The following ACSS3 variants were observed in gnomAD, a reference collection of about 807,000 sequenced individuals.
The protein encoded by ACSS3 is acyl-CoA synthetase short chain family member 3.
Under a neutral mutation model 84.2 loss-of-function variants are expected in ACSS3, and 64 were observed. The observed-to-expected ratio is 0.76, with a 90% CI of 0.62 to 0.94. The LOEUF (loss-of-function observed/expected upper bound fraction) is 0.94, where lower values mean the gene tolerates loss of function less well. Ranked by LOEUF, ACSS3 falls within the 40% of genes least tolerant of loss-of-function variation. The probability of loss-of-function intolerance (pLI) is 0.00; values close to 1 mark genes in which losing one functional copy is unlikely to be tolerated. For missense variants in ACSS3, 815 were observed against 867.6 expected (o/e 0.94, Z 0.76); for synonymous variants, 317 against 310.1 (o/e 1.02, Z -0.23).
intron 7 of ACSS3, among the ~76,000 whole-genome samples, chr12:81,159,764 C>G (rs542319618): frequency 3.9e-5 from 6 of 152,346 alleles, no homozygotes; most frequent in African/African-American, 1.4e-4. Context: ...ATTTAGCTAA[C>G]AGCCTAGTGT....
intron 9 of ACSS3, among the ~76,000 whole-genome samples, chr12:81,209,143 A>G (rs1397322736): frequency 1.3e-5 from 2 of 152,030 alleles, no homozygotes; most frequent in Non-Finnish European, 2.9e-5. Context: ...ATGGGAGCCT[A>G]AAATCATGTT....
intron 10 of ACSS3, among the ~76,000 whole-genome samples, chr12:81,219,467 C>T (rs1281106502): frequency 6.6e-6 from 1 of 152,058 alleles, no homozygotes; most frequent in Non-Finnish European, 1.5e-5. Flanking sequence ...AATGTGGATA[C>T]AAGCTTTAAT....
At chr12:81,093,240 A>G (rs1411504543) in intron 1 of ACSS3, among the ~76,000 whole-genome samples, 1 of 152,092 alleles carries the variant, frequency 6.6e-6, no homozygotes, top group Non-Finnish European at 1.5e-5. Flanking sequence ...AATTGGGGTC[A>G]GGAGTTCGAG....
At chr12:81,093,664 T>C (rs1881823619) in intron 1 of ACSS3, among the ~76,000 whole-genome samples, 1 of 152,002 alleles carries the variant, frequency 6.6e-6, no homozygotes, top group Non-Finnish European at 1.5e-5. Flanking sequence ...TGCAAAGAGT[T>C]CATTTGTATC....
Position 81,174,673 on chromosome 12 carries a change from G to T in ACSS3, c.1099-115G>T, listed in dbSNP as rs1376238443. 6.3e-6 allele frequency: 7 copies of T among 1,108,428 alleles called. No homozygotes were observed. In the South Asian group the frequency reaches 1.2e-4, roughly 20 times the overall value. The allele number at this position is 1,108,428 out of a possible 1,614,324, so 68.7% of individuals were successfully genotyped here. The stretch of plus-strand genomic sequence containing the variant: ...GAACATGGAAATATTTTAAAACTAA[G>T]ATTTGTTGAAAACCCCTTATTATTA... On this transcript the variant is annotated intron_variant, in intron 7 of 15. Transcript: ENST00000548058.
chr12:81,201,155 C>A (rs2032088044), intron 9 of ACSS3, among the ~76,000 whole-genome samples: 1 of 152,012 alleles, frequency 6.6e-6, no homozygotes, highest in South Asian at 2.1e-4. Flanking sequence ...TACATAGAAA[C>A]AAGTGAAGAA....
intron 7 of ACSS3, among the ~76,000 whole-genome samples, chr12:81,167,101 CAG>C (rs1240213467): frequency 6.6e-6 from 1 of 152,208 alleles, no homozygotes; most frequent in African/African-American, 2.4e-5. Context: ...TTAAATATGT[CAG>C]AGTCCCTAAT....
chr12:81,184,918 T>C (rs1261234777), intron 8 of ACSS3, among the ~76,000 whole-genome samples: 7 of 151,706 alleles, frequency 4.6e-5, no homozygotes, highest in Admixed American at 6.6e-5. Context: ...CTAAGTTAGA[T>C]AAAGATATCA....
At chr12:81,147,492 A>T (rs1474393046) in intron 5 of ACSS3, among the ~76,000 whole-genome samples, 1 of 152,214 alleles carries the variant, frequency 6.6e-6, no homozygotes, top group Non-Finnish European at 1.5e-5. Flanking sequence ...TGGGGATATC[A>T]GTCCTCTGAT....
chr12:81,187,396 T>C (rs1231304720), intron 8 of ACSS3, among the ~76,000 whole-genome samples: 1 of 151,838 alleles, frequency 6.6e-6, no homozygotes, highest in Non-Finnish European at 1.5e-5. Context: ...AAGTTACCAA[T>C]ATTTATTTCT....
intron 2 of ACSS3, among the ~76,000 whole-genome samples, chr12:81,113,590 A>G (rs947566648): frequency 1.3e-5 from 2 of 152,130 alleles, no homozygotes; most frequent in Non-Finnish European, 2.9e-5. Flanking sequence ...CCTTGCATGT[A>G]GTGAATAGTT....
intron 11 of ACSS3, among the ~76,000 whole-genome samples, chr12:81,230,188 T>A (rs1450971313): frequency 1.3e-5 from 2 of 151,802 alleles, no homozygotes; most frequent in Admixed American, 1.3e-4. Context: ...GCCCCTATGT[T>A]TTACAGTATT....
At chr12:81,121,493 T>C (rs1884598182) in intron 2 of ACSS3, among the ~76,000 whole-genome samples, 1 of 152,156 alleles carries the variant, frequency 6.6e-6, no homozygotes. Context: ...TACACACTTT[T>C]GGTGTTTACT....
chr12:81,240,872 C>T (rs1211280845), intron 13 of ACSS3, among the ~76,000 whole-genome samples: 1 of 151,958 alleles, frequency 6.6e-6, no homozygotes, highest in Non-Finnish European at 1.5e-5. Context: ...TTTTAGGGTA[C>T]ATGTGCACCA....
chr12:81,083,788 G>A (rs575894643), intron 1 of ACSS3, among the ~76,000 whole-genome samples: 5 of 152,110 alleles, frequency 3.3e-5, no homozygotes, highest in African/African-American at 1.2e-4. Flanking sequence ...TGGCCAACAT[G>A]GTGAAACCCC....
chr12:81,121,655 C>T (rs1884613896), intron 2 of ACSS3, among the ~76,000 whole-genome samples: 1 of 151,990 alleles, frequency 6.6e-6, no homozygotes, highest in African/African-American at 2.4e-5. Flanking sequence ...TATTAATTTA[C>T]TATAATGAAT....
At chr12:81,191,188 T>C (rs1236629135) in intron 8 of ACSS3, among the ~76,000 whole-genome samples, 2 of 152,092 alleles carry the variant, frequency 1.3e-5, no homozygotes, top group Admixed American at 1.3e-4. Context: ...GATACTTCAT[T>C]ATCATCCAGA....
chr12:81,196,721 A>G (rs1245476287), intron 8 of ACSS3, among the ~76,000 whole-genome samples: 1 of 152,076 alleles, frequency 6.6e-6, no homozygotes, highest in East Asian at 1.9e-4. Context: ...GACAGCCTAC[A>G]ATCATGGTGG....
chr12:81,110,381 C>T (rs1283107850), intron 2 of ACSS3, among the ~76,000 whole-genome samples: 1 of 152,106 alleles, frequency 6.6e-6, no homozygotes, highest in Non-Finnish European at 1.5e-5. Context: ...AGTTCTTTCC[C>T]ATCTGTGCAG....
Sources: gnomAD v4.1 joint callset for allele counts (sites outside exome capture counted in the v4.1 genomes callset) on GRCh38, gnomAD v4.1.1 for gene constraint, MANE v1.5 for transcripts, NCBI Gene and HGNC (gene_info 2026-07-23, HGNC 2026-07-21) for gene names.